The following RNF213 variants were observed in gnomAD, a reference collection of about 807,000 sequenced individuals.
RNF213 encodes the protein ring finger protein 213.
A neutral mutation model predicts 514.4 loss-of-function variants in RNF213; 341 were observed. The ratio of observed to expected loss-of-function variants is 0.66; its 90% CI spans 0.61 to 0.73. The LOEUF (loss-of-function observed/expected upper bound fraction) is 0.73. Ranked by LOEUF, RNF213 falls within the 30% of genes least tolerant of loss-of-function variation. RNF213 has a pLI of 0.00. For missense variants in RNF213, 5,767 were observed against 6,615.6 expected (o/e 0.87, Z 4.45); for synonymous variants, 2,655 against 2,658.2 (o/e 1.00, Z 0.04).
At chr17:80,284,332 C>T (rs1312165169) in intron 3 of RNF213, among the ~76,000 whole-genome samples, 40 of 152,058 alleles carry the variant, frequency 2.6e-4, no homozygotes, top group Admixed American at 2.6e-3. Flanking sequence ...CCATTGCACT[C>T]CAGCCTGGGC....
rs1042632528 is a variant in RNF213 at position 80,332,743 on chromosome 17, C to A, written c.4143+112C>A. Reference sequence around the variant, plus strand: ...AGGGGGGCGGATGACTTAGAGCTTCCGTCAGGGGCTCCTGTGTGTGTGGTA... The same window carrying A: ...AGGGGGGCGGATGACTTAGAGCTTCAGTCAGGGGCTCCTGTGTGTGTGGTA... On this transcript the variant is annotated intron_variant, in intron 21 of 67. Coordinates refer to ENST00000582970, the MANE Select transcript of RNF213 (RefSeq NM_001256071.3). 3.2e-6 allele frequency: 4 copies of A among 1,240,602 alleles called. No individual in the cohort carries two copies. In the Admixed American group the frequency reaches 1.2e-4, roughly 36 times the overall value. 76.8% of individuals were successfully genotyped at this position (1,240,602 alleles called of 1,614,324 possible).
chr17:80,343,881 C>A lies in RNF213; in HGVS notation c.6208C>A (p.Leu2070Ile). The change falls in exon 28 of 68, where the codon CTT becomes ATT. Residue 2070 changes from leucine (L) to isoleucine (I), a missense_variant. Physicochemically the swap from Leu to Ile is conservative, Grantham distance 5. Around this residue, in one of 13 missense-constraint regions of RNF213, gnomAD observed 1,377 missense variants for 1,635.2 expected, o/e 0.84. Transcript: ENST00000582970. The surrounding 1 kb of genome is among the most constrained non-coding windows in gnomAD (Gnocchi z 4.3). ...GGTGCAGACTGGAATTTGGGTGTTT[C>A]TTTTCAAGCTCCTCATTTTACAATA... ...SSVQTGIWVF[L>I]FKLLILQYLM... 1 of 1,614,130 alleles carries A rather than the reference C, an allele frequency of 6.2e-7. No individual in the cohort carries two copies. Among genetic ancestry groups the A allele is most frequent in the African/African-American group, 1.3e-5 (1 of 75,034 alleles).
rs187312452 is a variant in RNF213, at chr17:80,360,085, C to T, written c.11079C>T (p.Ile3693=). The T allele has an allele frequency of 1.7e-5, 28 of 1,614,166 alleles. No individual in the cohort carries two copies. Among genetic ancestry groups the T allele is most frequent in the African/African-American group, 1.2e-4 (9 of 75,056 alleles). ...GACATAAAGGTGAGATGGCCTACATCGTGGTGCAGAACCACATGAACCTTT... is the reference window on the plus strand; with the variant it reads ...GACATAAAGGTGAGATGGCCTACATTGTGGTGCAGAACCACATGAACCTTT... ...NERHKGEMAY[I]VVQNHMNLSE... Residue 3693 remains isoleucine, a synonymous_variant, in exon 38 of 68, where the codon ATC becomes ATT. Transcript: ENST00000582970.
chr17:80,346,203 A>G lies in RNF213; in HGVS notation c.7868A>G (p.Gln2623Arg). 1.9e-6 allele frequency: 3 copies of G among 1,614,178 alleles called. No individual in the cohort carries two copies. Among genetic ancestry groups the G allele is most frequent in the South Asian group, 1.1e-5 (1 of 91,082 alleles). The change falls in exon 29 of 68, where the codon CAG becomes CGG. Residue 2623 changes from glutamine to arginine, a missense_variant. Coordinates refer to ENST00000582970, the MANE Select transcript of RNF213 (RefSeq NM_001256071.3). This position sits in a 1 kb window ranked among gnomAD's most constrained non-coding sequence, Gnocchi z 8.1. ...ATCACAGAAGTCCTCTGCGCCTCTC[A>G]GGGTTTCATGAGGAAAACAGAAGAT... ...RVITEVLCAS[Q>R]GFMRKTEDEC...
Position 80,317,307 on chromosome 17 carries a change from G to C in RNF213, c.2901+30G>C. On this transcript the variant is annotated intron_variant, in intron 16 of 67. Coordinates refer to ENST00000582970, the MANE Select transcript of RNF213 (RefSeq NM_001256071.3). The surrounding 1 kb of genome is among the most constrained non-coding windows in gnomAD (Gnocchi z 4.1). ...CAAAAGTTTGGGGGCAGTCTTTTCA[G>C]GGCGTGAAGGCAAGCTGGAGAACCC... The C allele has an allele frequency of 1.3e-6, 2 of 1,597,920 alleles. No individual in the cohort carries two copies. Among genetic ancestry groups the C allele is most frequent in the South Asian group, 2.3e-5 (2 of 88,542 alleles).
chr17:80,334,848 G>A (rs943799342), intron 22 of RNF213, among the ~76,000 whole-genome samples: 7 of 151,322 alleles, frequency 4.6e-5, no homozygotes, highest in South Asian at 2.1e-4. Context: ...GGATGGTCTC[G>A]ATCTCCTGAC....
chr17:80,363,296 G>GCTGGCTGGATGTGAGATGGTATGGCCCTC lies in RNF213; in HGVS notation c.11553_11568+13dup. The GCTGGCTGGATGTGAGATGGTATGGCCCTC allele has an allele frequency of 6.2e-7, 1 of 1,613,930 alleles. No homozygotes were observed. The highest frequency in any genetic ancestry group is 8.5e-7 in the Non-Finnish European group (1 of 1,180,034). On this transcript the variant is annotated frameshift_variant, in exon 40 of 68. Coordinates refer to ENST00000582970, the MANE Select transcript of RNF213 (RefSeq NM_001256071.3). LOFTEE classifies it high-confidence loss of function. ...TGATGGAAGCCCGTTGGAACCATGA[G>GCTGGCTGGATGTGAGATGGTATGGCCCTC]CTGGCTGGATGTGAGATGGTATGGC...
chr17:80,306,261 A>G lies in RNF213; in HGVS notation c.2220A>G (p.Leu740=), dbSNP rs773809586. The G allele has an allele frequency of 6.2e-7, 1 of 1,613,854 alleles. No individual in the cohort carries two copies. Among genetic ancestry groups the G allele is most frequent in the African/African-American group, 1.3e-5 (1 of 74,848 alleles). Reference sequence around the variant, plus strand: ...TATTTCTCTTATGCAGGAGTTCCCTACTTCAGTTTATGAGAGAGAAGCAGC... The same window carrying G: ...TATTTCTCTTATGCAGGAGTTCCCTGCTTCAGTTTATGAGAGAGAAGCAGC... ...FREQMLDTSS[L]LQFMREKQHL... Residue 740 remains leucine (L), a synonymous_variant, in exon 12 of 68, where the codon CTA becomes CTG. Transcript: ENST00000582970.
intron 52 of RNF213, 94 bp from the exon 53 acceptor site, chr17:80,376,788 A>T: frequency 1.7e-6 from 2 of 1,191,366 alleles, no homozygotes; most frequent in Non-Finnish European, 2.5e-6. Flanking sequence ...AGGAAAGCAG[A>T]GTTCCCTTTC....
rs1415919662 is a variant in RNF213 at position 80,348,219 on chromosome 17, C to T, written c.9884C>T (p.Ser3295Phe). Reference sequence around the variant, plus strand: ...TACTTTCACAGACAGAGGCACAACTCCTTTGCAGATTTCCTTCAGGCACAC... The same window carrying T: ...TACTTTCACAGACAGAGGCACAACTTCTTTGCAGATTTCCTTCAGGCACAC... ...QEYFHRQRHN[S>F]FADFLQAHLH... Residue 3295 changes from serine (S) to phenylalanine (F), a missense_variant, in exon 29 of 68, where the codon TCC (serine) becomes TTC (phenylalanine). Ser to Phe is a radical substitution (Grantham distance 155). This residue lies in a region of RNF213 where 919 missense variants were observed against 1,121.0 expected (regional missense o/e 0.82). Coordinates refer to ENST00000582970, the MANE Select transcript of RNF213 (RefSeq NM_001256071.3). 11 of 1,613,982 alleles carry T rather than the reference C, an allele frequency of 6.8e-6. No homozygotes were observed. The East Asian group carries it at 2.4e-4, about 36-fold the overall frequency.
At chr17:80,328,857 T>C (rs1340402198) in intron 20 of RNF213, among the ~76,000 whole-genome samples, 1 of 152,170 alleles carries the variant, frequency 6.6e-6, no homozygotes, top group African/African-American at 2.4e-5. Context: ...GGTTAAATCA[T>C]CAGGACCCAC....
In RNF213 at chr17:80,307,149, G is replaced by GTTCAGAACA; in HGVS notation, c.2452_2460dup (p.Gln818_Ile820dup). 6.2e-7 allele frequency: 1 copy of GTTCAGAACA among 1,613,626 alleles called. No individual in the cohort carries two copies. Among genetic ancestry groups the GTTCAGAACA allele is most frequent in the South Asian group, 1.1e-5 (1 of 91,068 alleles). On this transcript the variant is annotated inframe_insertion, in exon 13 of 68. Coordinates refer to ENST00000582970, the MANE Select transcript of RNF213 (RefSeq NM_001256071.3). ...TTAGGATGTTCAGGATGTTCAGAAC[G>GTTCAGAACA]TTCAGAACATTTTAGAAATGCTGTT...
rs375033522 is a variant in RNF213, at chr17:80,373,174, C to G, written c.12942+9C>G. The G allele has an allele frequency of 8.7e-6, 14 of 1,604,722 alleles. No homozygotes were observed. The highest frequency in any genetic ancestry group is 1.7e-5 in the Admixed American group (1 of 59,928). ...ACGTTGTCAAGCAGCAGGTGAGAAG[C>G]GGGGCCGGGCAGCACACAAACATGC... On this transcript the variant is annotated intron_variant, in intron 49 of 67. Coordinates refer to ENST00000582970, the MANE Select transcript of RNF213 (RefSeq NM_001256071.3).
rs1278405832 is a variant in RNF213 at position 80,368,106 on chromosome 17, C to G, written c.12118C>G (p.Pro4040Ala). The change falls in exon 44 of 68, where the codon CCA becomes GCA. Residue 4040 changes from proline to alanine, a missense_variant. Pro to Ala is a conservative substitution (Grantham distance 27). Transcript: ENST00000582970. Reference protein sequence around the residue: ...MICPYCLTALPDEFSPAVSQA... With the variant: ...MICPYCLTALADEFSPAVSQA... Reference sequence around the variant, plus strand: ...ATGCCCCTACTGTTTAACTGCCTTGCCAGACGAATTCTCTCCAGCTGTTTC... The same window carrying G: ...ATGCCCCTACTGTTTAACTGCCTTGGCAGACGAATTCTCTCCAGCTGTTTC... 6.2e-6 allele frequency: 10 copies of G among 1,614,258 alleles called. No homozygotes were observed. Among genetic ancestry groups the G allele is most frequent in the South Asian group, 1.1e-5 (1 of 91,090 alleles).
chr17:80,362,247 G>A (rs2079083700), intron 39 of RNF213, among the ~76,000 whole-genome samples: 1 of 152,114 alleles, frequency 6.6e-6, no homozygotes, highest in Non-Finnish European at 1.5e-5. Flanking sequence ...TCAATAGAAA[G>A]TCATACTTTT....
At chr17:80,268,437 A>G (rs1019696567) in intron 2 of RNF213, among the ~76,000 whole-genome samples, 4 of 151,772 alleles carry the variant, frequency 2.6e-5, no homozygotes, top group Non-Finnish European at 5.9e-5. Flanking sequence ...AAGCACTCCA[A>G]AGATGCAGGG....
intron 2 of RNF213, among the ~76,000 whole-genome samples, chr17:80,267,828 T>TC (rs1338417254): frequency 2.0e-5 from 3 of 151,188 alleles, no homozygotes; most frequent in African/African-American, 4.9e-5. Flanking sequence ...TCTTTTCTTT[T>TC]TTTTTTTTTG....
chr17:80,281,212 ACACCCCCACACACACCCCAC>A, intron 3 of RNF213, among the ~76,000 whole-genome samples: 1 of 66,524 alleles, frequency 1.5e-5, no homozygotes, highest in South Asian at 5.6e-4. Flanking sequence ...CCACTCACAC[ACACCCCCACACACACCCCAC>A]TCACACACAC....
intron 11 of RNF213, among the ~76,000 whole-genome samples, chr17:80,305,958 T>C (rs2045343055): frequency 6.6e-6 from 1 of 152,138 alleles, no homozygotes; most frequent in Admixed American, 6.6e-5. Context: ...TACTTTTCAT[T>C]TGATTCACTG....
Sources: allele counts gnomAD v4.1 joint callset (sites outside exome capture counted in the v4.1 genomes callset), GRCh38; gene constraint gnomAD v4.1.1; regional missense constraint gnomAD v4.1.1; non-coding constraint Gnocchi (gnomAD v3.1); transcripts MANE v1.5; gene names NCBI Gene and HGNC (gene_info 2026-07-23, HGNC 2026-07-21).